CATSPERE: variants seen among roughly 807,000 people sequenced by gnomAD.
CATSPERE encodes catsper channel auxiliary subunit epsilon.
In CATSPERE, 93 loss-of-function variants were observed where a neutral mutation model predicts 114.1. That is an observed-to-expected ratio of 0.81 (90% CI 0.69 to 0.97). The LOEUF is 0.97. CATSPERE is among the 50% of genes least tolerant of loss of function. CATSPERE has a pLI of 0.00. For synonymous variants in CATSPERE, 341 were observed against 384.1 expected (o/e 0.89, Z 1.31); for missense variants, 1,058 against 1,131.6 (o/e 0.93, Z 0.93).
chr1:244,571,334 G>A (rs1664427728), intron 10 of CATSPERE, among the ~76,000 whole-genome samples: 1 of 152,170 alleles, frequency 6.6e-6, no homozygotes, highest in Non-Finnish European at 1.5e-5. Context: ...CTTCCTTCCA[G>A]CCAGTCCTCT....
chr1:244,614,541 G>C (rs138147336), intron 19 of CATSPERE, among the ~76,000 whole-genome samples: 2 of 152,290 alleles, frequency 1.3e-5, no homozygotes, highest in African/African-American at 4.8e-5. Context: ...ACTTTTCCCA[G>C]AGGTCTGTCC....
intron 6 of CATSPERE, among the ~76,000 whole-genome samples, chr1:244,490,794 G>C (rs1025778166): frequency 6.6e-6 from 1 of 151,438 alleles, no homozygotes; most frequent in Non-Finnish European, 1.5e-5. Context: ...AAAATATTGA[G>C]CATCCATTCT....
At chr1:244,459,193 C>T (rs996481278), upstream of CATSPERE, among the ~76,000 whole-genome samples, 3 of 152,080 alleles carry the variant, frequency 2.0e-5, no homozygotes, top group Middle Eastern at 0.01. Flanking sequence ...ATTCTCCTGC[C>T]TCAGCCTCCT....
chr1:244,622,530 T>C lies in CATSPERE; in HGVS notation c.2648+4844T>C, dbSNP rs551579796. On this transcript the variant is annotated intron_variant, in intron 20 of 21. Coordinates refer to ENST00000366534, the MANE Select transcript of CATSPERE (RefSeq NM_001130957.2). ...GAGATTCTCCTGCCTCAGCCTCCCG[T>C]GTAGCTGGGATTACAGACATGTGCC... Among the ~76,000 whole-genome samples, 141 of 151,762 alleles carry C rather than the reference T, an allele frequency of 9.3e-4. 4 individuals are homozygous for C. In the South Asian group the frequency reaches 0.022, roughly 24 times the overall value.
intron 2 of CATSPERE, among the ~76,000 whole-genome samples, chr1:244,464,677 A>ATT (rs935244860): frequency 6.8e-6 from 1 of 148,112 alleles, no homozygotes; most frequent in African/African-American, 2.5e-5. Flanking sequence ...TAAATTTCCT[A>ATT]TTTTTTTTTT....
chr1:244,609,542 G>T (rs1670441755), intron 18 of CATSPERE, among the ~76,000 whole-genome samples: 1 of 151,872 alleles, frequency 6.6e-6, no homozygotes, highest in Non-Finnish European at 1.5e-5. Flanking sequence ...GCAGAGACAG[G>T]GTTTCACTGT....
chr1:244,639,191 TACC>T (rs1675019911), intron 21 of CATSPERE, among the ~76,000 whole-genome samples: 1 of 152,224 alleles, frequency 6.6e-6, no homozygotes, highest in African/African-American at 2.4e-5. Flanking sequence ...CCTGAGGTGT[TACC>T]ACATTTCCAT....
chr1:244,591,709 G>C lies in CATSPERE; in HGVS notation c.2167G>C (p.Asp723His). The C allele has an allele frequency of 6.6e-7, 1 of 1,516,044 alleles. No individual in the cohort carries two copies. Among genetic ancestry groups the C allele is most frequent in the Non-Finnish European group, 9.1e-7 (1 of 1,100,082 alleles). 93.9% of individuals were successfully genotyped at this position (1,516,044 alleles called of 1,614,324 possible). ...GFSKKGCHHHDFSYVIEKSYL... is the reference protein window; with the variant it reads ...GFSKKGCHHHHFSYVIEKSYL... ...TAGTAAAAAAGGATGTCATCACCAT[G>C]ATTTTTCATACGTGATTGAAAAGTA... The change falls in exon 15 of 22, where the codon GAT (aspartate) becomes CAT (histidine). Residue 723 changes from aspartate (D) to histidine (H), a missense_variant. Transcript: ENST00000366534.
upstream of CATSPERE, among the ~76,000 whole-genome samples, chr1:244,456,324 C>T (rs1666159797): frequency 6.6e-6 from 1 of 151,866 alleles, no homozygotes; most frequent in African/African-American, 2.4e-5. Flanking sequence ...CTTTCCTAGC[C>T]CTGTTCCTCC....
At chr1:244,499,466 T>C (rs1244191138) in intron 7 of CATSPERE, among the ~76,000 whole-genome samples, 3 of 152,010 alleles carry the variant, frequency 2.0e-5, no homozygotes, top group Non-Finnish European at 4.4e-5. Flanking sequence ...ATGCATTAGG[T>C]ATTTGGCCAA....
intron 10 of CATSPERE, among the ~76,000 whole-genome samples, chr1:244,567,856 C>T (rs1663831455): frequency 6.6e-6 from 1 of 152,078 alleles, no homozygotes; most frequent in African/African-American, 2.4e-5. Context: ...TCATCAAACT[C>T]ATTCTCTGTC....
intron 11 of CATSPERE, among the ~76,000 whole-genome samples, chr1:244,578,801 G>GTT (rs34298653): frequency 0.14 from 16,369 of 115,874 alleles, 1,317 homozygotes; most frequent in East Asian, 0.45. Flanking sequence ...ATGTATACAG[G>GTT]TTATATATAT....
intron 7 of CATSPERE, 68 bp from the exon 8 acceptor site, chr1:244,518,524 C>T (rs1677001283): frequency 2.1e-6 from 2 of 943,820 alleles, no homozygotes; most frequent in African/African-American, 1.7e-5. Flanking sequence ...TTCAATATAT[C>T]CTGATGTCAC....
chr1:244,503,663 G>A (rs147452838), intron 7 of CATSPERE, among the ~76,000 whole-genome samples: 570 of 152,200 alleles, frequency 3.7e-3, no homozygotes, highest in African/African-American at 0.013. Context: ...CACAATCATG[G>A]CTCACTGCAG....
intron 8 of CATSPERE, among the ~76,000 whole-genome samples, chr1:244,550,553 A>G (rs979694761): frequency 6.6e-6 from 1 of 152,230 alleles, no homozygotes; most frequent in African/African-American, 2.4e-5. Context: ...GTGTCTGCAT[A>G]TGTGAGGTTA....
chr1:244,620,275 C>T (rs180997861), intron 20 of CATSPERE, among the ~76,000 whole-genome samples: 1 of 152,256 alleles, frequency 6.6e-6, no homozygotes, highest in Admixed American at 6.5e-5. Context: ...CATTTTAAGC[C>T]ATGTGGTAGA....
intron 7 of CATSPERE, among the ~76,000 whole-genome samples, chr1:244,517,347 T>A (rs1676806865): frequency 1.3e-5 from 2 of 152,074 alleles, no homozygotes. Flanking sequence ...ATGCTTCATT[T>A]ACTCTTTCCT....
intron 4 of CATSPERE, among the ~76,000 whole-genome samples, chr1:244,479,313 G>A (rs1006977332): frequency 2.6e-5 from 4 of 152,120 alleles, no homozygotes; most frequent in South Asian, 2.1e-4. Context: ...GGCTGGTCTC[G>A]AACTTCTCAC....
intron 9 of CATSPERE, among the ~76,000 whole-genome samples, chr1:244,555,788 G>T (rs1661483507): frequency 1.3e-5 from 2 of 152,120 alleles, no homozygotes; most frequent in South Asian, 4.1e-4. Context: ...CACTAATAAT[G>T]AAATAGCTGG....
Sources: allele counts gnomAD v4.1 joint callset (sites outside exome capture counted in the v4.1 genomes callset), GRCh38; gene constraint gnomAD v4.1.1; transcripts MANE v1.5; gene names NCBI Gene and HGNC (gene_info 2026-07-23, HGNC 2026-07-21).